TMEM233: variants seen among roughly 807,000 people sequenced by gnomAD.
TMEM233 encodes transmembrane protein 233, also known as dispanin subfamily B member 2.
TMEM233 carries 6 observed loss-of-function variants against 11.2 expected under a neutral mutation model. The observed-to-expected ratio is 0.54, with a 90% CI of 0.29 to 1.06. TMEM233 has a LOEUF of 1.06. Among genes scored for constraint, TMEM233 ranks in the 50% least tolerant of loss-of-function variants. The probability of loss-of-function intolerance (pLI) is 0.08; values close to 1 mark genes in which losing one functional copy is unlikely to be tolerated. For missense variants in TMEM233, 127 were observed against 144.7 expected (o/e 0.88, Z 0.63); for synonymous variants, 59 against 55.8 (o/e 1.06, Z -0.26).
At chr12:119,613,213 CAA>C (rs3077328) in intron 1 of TMEM233, among the ~76,000 whole-genome samples, 1,383 of 122,252 alleles carry the variant, frequency 0.011, 12 homozygotes, top group African/African-American at 0.031. Context: ...AAGCCTGTTC[CAA>C]AAAAAAAAAA....
chr12:119,646,179 T>A (rs1955149739), downstream of TMEM233, among the ~76,000 whole-genome samples: 1 of 151,660 alleles, frequency 6.6e-6, no homozygotes, highest in Non-Finnish European at 1.5e-5. Flanking sequence ...TGCCTCAGCC[T>A]CCCGAGTAGC....
At chr12:119,639,079 C>T (rs554736317) in intron 2 of TMEM233, among the ~76,000 whole-genome samples, 4 of 152,130 alleles carry the variant, frequency 2.6e-5, no homozygotes, top group South Asian at 2.1e-4. Context: ...CTGCACTTGC[C>T]GTTCCCTCTG....
At chr12:119,614,514 A>T (rs927376777) in intron 1 of TMEM233, among the ~76,000 whole-genome samples, 7 of 152,202 alleles carry the variant, frequency 4.6e-5, no homozygotes, top group Non-Finnish European at 8.8e-5. Flanking sequence ...GTTCTCTATC[A>T]GTAACCAAAT....
intron 1 of TMEM233, 104 bp from the exon 2 acceptor site, chr12:119,629,632 C>A: frequency 2.4e-6 from 3 of 1,234,440 alleles, no homozygotes; most frequent in Non-Finnish European, 3.3e-6. Flanking sequence ...TGAGCAAAGT[C>A]ACCAGAGAGC....
chr12:119,634,648 A>T (rs985240647), intron 2 of TMEM233, among the ~76,000 whole-genome samples: 1 of 152,156 alleles, frequency 6.6e-6, no homozygotes, highest in Non-Finnish European at 1.5e-5. Flanking sequence ...ACCTGTCTGA[A>T]GTAAATTACT....
At chr12:119,639,322 G>C (rs1462942211) in intron 2 of TMEM233, among the ~76,000 whole-genome samples, 2 of 151,810 alleles carry the variant, frequency 1.3e-5, no homozygotes, top group Non-Finnish European at 2.9e-5. Context: ...TGGCCCTTAA[G>C]AGTGCCTATT....
Position 119,594,106 on chromosome 12 carries a change from C to T in TMEM233, c.186+72C>T, listed in dbSNP as rs991042943. The T allele has an allele frequency of 6.9e-6, 10 of 1,451,686 alleles. No individual in the cohort carries two copies. The highest frequency in any genetic ancestry group is 9.3e-6 in the Non-Finnish European group (10 of 1,071,650). 89.9% of individuals were successfully genotyped at this position (1,451,686 alleles called of 1,614,324 possible). On this transcript the variant is annotated intron_variant, in intron 1 of 2. Coordinates refer to ENST00000426426, the MANE Select transcript of TMEM233 (RefSeq NM_001136534.3). This position sits in a 1 kb window ranked among gnomAD's most constrained non-coding sequence, Gnocchi z 5.6. ...GGCTTTGAGCCCCTGCAGGGGAGTC[C>T]GCGCGCTCTCTGCGGCTCCCTTCCT...
chr12:119,603,186 A>C (rs1356754708), intron 1 of TMEM233, among the ~76,000 whole-genome samples: 1 of 152,164 alleles, frequency 6.6e-6, no homozygotes, highest in East Asian at 1.9e-4. Flanking sequence ...CAGGAAAATC[A>C]CTTGAGCCCA....
At chr12:119,618,594 G>A (rs752969058) in intron 1 of TMEM233, among the ~76,000 whole-genome samples, 3 of 152,234 alleles carry the variant, frequency 2.0e-5, no homozygotes, top group Non-Finnish European at 4.4e-5. Flanking sequence ...GAGACATGGA[G>A]TCAAAGGGGA....
At chr12:119,653,780 G>T in the TMEM233 span, among the ~76,000 whole-genome samples, 1 of 151,836 alleles carries the variant, frequency 6.6e-6, no homozygotes, top group Non-Finnish European at 1.5e-5. Flanking sequence ...CAAGAAAAAA[G>T]ATTTAAAGAA....
Position 119,630,447 on chromosome 12 carries a change from C to G in TMEM233, c.323+575C>G, listed in dbSNP as rs536314458. Reference sequence around the variant, plus strand: ...AGGGCCAGATAGTAAATCTTTTAAGCCTTGCAGGCCATATGGTCCCGATCA... The same window carrying G: ...AGGGCCAGATAGTAAATCTTTTAAGGCTTGCAGGCCATATGGTCCCGATCA... On this transcript the variant is annotated intron_variant, in intron 2 of 2. Transcript: ENST00000426426. Among the ~76,000 whole-genome samples the G allele has an allele frequency of 2.0e-5, 3 of 152,302 alleles. No homozygotes were observed. In the South Asian group the frequency reaches 6.2e-4, roughly 32 times the overall value.
chr12:119,611,073 T>A (rs548243308), intron 1 of TMEM233, among the ~76,000 whole-genome samples: 2 of 152,370 alleles, frequency 1.3e-5, no homozygotes, highest in South Asian at 4.1e-4. Flanking sequence ...GTTTTTCTAT[T>A]CATTCATTGA....
At chr12:119,645,697 G>A (rs183252252), downstream of TMEM233, among the ~76,000 whole-genome samples, 600 of 152,272 alleles carry the variant, frequency 3.9e-3, 10 homozygotes, top group Non-Finnish European at 2.3e-3. Flanking sequence ...CCAAACCTCG[G>A]GTGAGCAGCC....
chr12:119,609,229 T>C (rs963513122), intron 1 of TMEM233, among the ~76,000 whole-genome samples: 1 of 152,230 alleles, frequency 6.6e-6, no homozygotes, highest in African/African-American at 2.4e-5. Context: ...GGATGCATTT[T>C]ACCTCTGCCC....
chr12:119,652,115 A>C, the TMEM233 span, among the ~76,000 whole-genome samples: 3 of 152,180 alleles, frequency 2.0e-5, no homozygotes, highest in South Asian at 6.2e-4. Flanking sequence ...TTTGGAGAGA[A>C]ATTTGGCAAT....
chr12:119,647,964 C>T (rs1227143722), downstream of TMEM233, among the ~76,000 whole-genome samples: 4 of 152,140 alleles, frequency 2.6e-5, no homozygotes, highest in African/African-American at 9.7e-5. Flanking sequence ...CTACCTCGCC[C>T]CCACTCTACT....
intron 1 of TMEM233, among the ~76,000 whole-genome samples, chr12:119,626,508 G>T: frequency 1.3e-5 from 1 of 78,902 alleles, no homozygotes; most frequent in South Asian, 4.2e-4. Flanking sequence ...AGGAGGAGGA[G>T]GAGGAGGAGG....
intron 1 of TMEM233, among the ~76,000 whole-genome samples, chr12:119,599,339 C>T (rs1199678619): frequency 6.6e-6 from 1 of 152,140 alleles, no homozygotes; most frequent in Non-Finnish European, 1.5e-5. Context: ...ATGGATACCC[C>T]ATTCTCCATG....
In TMEM233 at chr12:119,640,825, C is replaced by A; in HGVS notation, c.*120C>A. On this transcript the variant is annotated 3_prime_UTR_variant, in exon 3 of 3. Coordinates refer to ENST00000426426, the MANE Select transcript of TMEM233 (RefSeq NM_001136534.3). Reference sequence around the variant, plus strand: ...CTGTGAGATCTTTTCCTCCAGGACTCTCCAGAGGCAGGTCCCTGGCAAATG... The same window carrying A: ...CTGTGAGATCTTTTCCTCCAGGACTATCCAGAGGCAGGTCCCTGGCAAATG... 5 of 1,034,550 alleles carry A rather than the reference C, an allele frequency of 4.8e-6. No homozygotes were observed. Among genetic ancestry groups the A allele is most frequent in the Non-Finnish European group, 6.8e-6 (5 of 738,604 alleles). 64.1% of individuals were successfully genotyped at this position (1,034,550 alleles called of 1,614,324 possible). A position where few individuals can be genotyped will look rare whatever the true frequency, so the allele number is the denominator to read the frequency against.
Sources: allele counts gnomAD v4.1 joint callset (sites outside exome capture counted in the v4.1 genomes callset), GRCh38; gene constraint gnomAD v4.1.1; non-coding constraint Gnocchi (gnomAD v3.1); transcripts MANE v1.5; gene names NCBI Gene and HGNC (gene_info 2026-07-23, HGNC 2026-07-21).